TRPM2: variants seen among roughly 807,000 people sequenced by gnomAD.
TRPM2 encodes the protein transient receptor potential cation channel subfamily M member 2, also known as estrogen-responsive element-associated gene 1 protein.
TRPM2 carries 161 observed loss-of-function variants against 174.0 expected under a neutral mutation model. That is an observed-to-expected ratio of 0.93 (90% confidence interval 0.81 to 1.05). TRPM2 has a LOEUF of 1.05. TRPM2 is among the 50% of genes least tolerant of loss of function. The pLI, the probability that TRPM2 is intolerant of heterozygous loss-of-function variation, is 0.00. For missense variants in TRPM2, 2,057 were observed against 2,038.0 expected, an observed-to-expected ratio of 1.01 and a Z score of -0.18; for synonymous variants, 954 against 861.3, an observed-to-expected ratio of 1.11 and a Z score of -1.88.
intron 9 of TRPM2, among the ~76,000 whole-genome samples, chr21:44,390,407 C>G (rs1311141446): frequency 6.6e-6 from 1 of 152,068 alleles, no homozygotes; most frequent in Non-Finnish European, 1.5e-5. Flanking sequence ...AAAGTTAAAC[C>G]AGAAAGGGAA....
intron 4 of TRPM2, among the ~76,000 whole-genome samples, chr21:44,368,205 G>A (rs2048413785): frequency 6.6e-6 from 1 of 151,604 alleles, no homozygotes; most frequent in East Asian, 1.9e-4. Flanking sequence ...TTGCAGCCTC[G>A]ACCTCTTGGG....
At chr21:44,361,940 C>A (rs1216102036) in intron 2 of TRPM2, among the ~76,000 whole-genome samples, 4 of 152,204 alleles carry the variant, frequency 2.6e-5, no homozygotes, top group Non-Finnish European at 5.9e-5. Flanking sequence ...AGCTCCTGAG[C>A]TCAAGCAATC....
chr21:44,375,920 G>T lies in TRPM2; in HGVS notation c.859G>T (p.Val287Leu), dbSNP rs770295496. Reference protein sequence around the residue: ...LDSNHSHFILVDDGTHGQYGV... With the variant: ...LDSNHSHFILLDDGTHGQYGV... ...CAGCAACCACTCTCACTTCATCCTCGTGGACGACGGGACCCACGGCCAGTA... is the reference window on the plus strand; with the variant it reads ...CAGCAACCACTCTCACTTCATCCTCTTGGACGACGGGACCCACGGCCAGTA... Residue 287 changes from valine to leucine, a missense_variant, in exon 6 of 32, where the codon GTG becomes TTG. Val to Leu is a conservative substitution (Grantham distance 32). Transcript: ENST00000397928. The T allele has an allele frequency of 6.2e-7, 1 of 1,614,100 alleles. No homozygotes were observed. Among genetic ancestry groups the T allele is most frequent in the Admixed American group, 1.7e-5 (1 of 60,016 alleles).
chr21:44,421,735 A>T (rs2050557896), intron 22 of TRPM2, among the ~76,000 whole-genome samples: 1 of 152,098 alleles, frequency 6.6e-6, no homozygotes, highest in African/African-American at 2.4e-5. Context: ...ACATAGTGAG[A>T]CCCCATCTCT....
chr21:44,398,792 T>C (rs1020624814), intron 13 of TRPM2, among the ~76,000 whole-genome samples: 1 of 151,822 alleles, frequency 6.6e-6, no homozygotes, highest in Non-Finnish European at 1.5e-5. Context: ...CTAGGAAGAG[T>C]TGGGGAGGTT....
chr21:44,437,308 C>A lies in TRPM2; in HGVS notation c.4167+141C>A, dbSNP rs772017504. The A allele has an allele frequency of 2.4e-5, 16 of 679,694 alleles. No individual in the cohort carries two copies. The African/African-American group carries it at 2.5e-4, about 11-fold the overall frequency. 42.1% of individuals were successfully genotyped at this position (679,694 alleles called of 1,614,324 possible). On this transcript the variant is annotated intron_variant, in intron 29 of 31. Coordinates refer to ENST00000397928, the MANE Select transcript of TRPM2 (RefSeq NM_003307.4). ...GGGCAGGGAGGGTTCGAGACCCCGCCTGTTTTGTCTGTAGAAGACACTCCT... is the reference window on the plus strand; with the variant it reads ...GGGCAGGGAGGGTTCGAGACCCCGCATGTTTTGTCTGTAGAAGACACTCCT...
intron 22 of TRPM2, chr21:44,422,385 G>C: frequency 6.5e-7 from 1 of 1,536,128 alleles, no homozygotes; most frequent in Non-Finnish European, 8.7e-7. Context: ...AACCACCCTC[G>C]CATGTTTGCA....
At chr21:44,401,934 G>A (rs2049634732) in intron 16 of TRPM2, 37 bp downstream of exon 16, 1 of 1,611,374 alleles carries the variant, frequency 6.2e-7, no homozygotes, top group Non-Finnish European at 8.5e-7. Flanking sequence ...CCCAGCCCGG[G>A]GCCACCCACT....
Position 44,435,080 on chromosome 21 carries a change from C to G in TRPM2, c.3975-51C>G, listed in dbSNP as rs779540109. The G allele has an allele frequency of 2.5e-6, 4 of 1,576,340 alleles. No individual in the cohort carries two copies. The South Asian group carries it at 4.5e-5, about 18-fold the overall frequency. Reference sequence around the variant, plus strand: ...TCTCAGTCCCCCTCCCTGCCCTGTCCTGCTCCCCCATTGGTGGACGGTGGA... The same window carrying G: ...TCTCAGTCCCCCTCCCTGCCCTGTCGTGCTCCCCCATTGGTGGACGGTGGA... On this transcript the variant is annotated intron_variant, in intron 27 of 31. Transcript: ENST00000397928.
chr21:44,396,626 GTGTGGAGGGC>G (rs1208943646), intron 12 of TRPM2, among the ~76,000 whole-genome samples: 1 of 31,714 alleles, frequency 3.2e-5, no homozygotes, highest in African/African-American at 1.5e-4. Flanking sequence ...CTGTGGAGGG[GTGTGGAGGGC>G]TGTGGAGGGG....
intron 20 of TRPM2, among the ~76,000 whole-genome samples, 176 bp downstream of exon 20, chr21:44,414,250 CGTCTCTTGAGCTGGCGTGAGTCT>C (rs1198747851): frequency 3.9e-5 from 6 of 152,180 alleles, no homozygotes; most frequent in African/African-American, 7.2e-5. Context: ...GTCACTGCTG[CGTCTCTTGAGCTGGCGTGAGTCT>C]GTCTCTTGAG....
intron 22 of TRPM2, chr21:44,423,258 AT>A (rs1487939326): frequency 4.2e-6 from 1 of 238,688 alleles, no homozygotes; most frequent in Non-Finnish European, 8.4e-6. Flanking sequence ...AAAACCAAAT[AT>A]TCCCCAAGCA....
chr21:44,370,749 G>A (rs1166812442), intron 5 of TRPM2, among the ~76,000 whole-genome samples: 2 of 152,188 alleles, frequency 1.3e-5, no homozygotes, highest in Non-Finnish European at 2.9e-5. Context: ...CGGCGGGGTC[G>A]GACTGGACCA....
At chr21:44,400,177 C>A in intron 14 of TRPM2, 82 bp from the exon 15 acceptor site, 2 of 1,206,086 alleles carry the variant, frequency 1.7e-6, no homozygotes, top group South Asian at 1.4e-5. Flanking sequence ...CTAGGCACCC[C>A]GAGTCCTCAG....
intron 22 of TRPM2, among the ~76,000 whole-genome samples, chr21:44,419,616 TGTGGTG>T (rs199764081): frequency 6.7e-3 from 817 of 122,430 alleles, no homozygotes; most frequent in African/African-American, 0.021. Flanking sequence ...ATGATGGTGA[TGTGGTG>T]GTGATTGTGA....
intron 19 of TRPM2, among the ~76,000 whole-genome samples, chr21:44,411,875 C>T (rs1196922030): frequency 6.6e-6 from 1 of 152,178 alleles, no homozygotes; most frequent in Non-Finnish European, 1.5e-5. Flanking sequence ...GATCCTTTTA[C>T]TATTAATATG....
At chr21:44,405,648 T>C (rs982306680) in intron 17 of TRPM2, among the ~76,000 whole-genome samples, 7 of 152,142 alleles carry the variant, frequency 4.6e-5, no homozygotes, top group Admixed American at 3.3e-4. Flanking sequence ...TCGGAGGCAA[T>C]AGGGCCCTGG....
At chr21:44,419,860 A>ATG (rs2050482414) in intron 22 of TRPM2, among the ~76,000 whole-genome samples, 1 of 132,656 alleles carries the variant, frequency 7.5e-6, no homozygotes, top group Non-Finnish European at 1.6e-5. Flanking sequence ...GATGGTGGTA[A>ATG]TGGTGGTAGC....
chr21:44,374,399 C>T (rs774144527), intron 5 of TRPM2, among the ~76,000 whole-genome samples: 1 of 152,018 alleles, frequency 6.6e-6, no homozygotes, highest in Admixed American at 6.6e-5. Context: ...CAGATGGGGG[C>T]GGGGTGGTAA....
Sources: allele counts gnomAD v4.1 joint callset (sites outside exome capture counted in the v4.1 genomes callset), GRCh38; gene constraint gnomAD v4.1.1; transcripts MANE v1.5; gene names NCBI Gene and HGNC (gene_info 2026-07-23, HGNC 2026-07-21).